SCYGR2: variants seen among roughly 807,000 people sequenced by gnomAD.
SCYGR2 encodes the protein small cysteine and glycine repeat-containing protein 2.
exon 1 of SCYGR2, chr2:227,598,971 T>G: frequency 4.2e-6 from 1 of 239,684 alleles, no homozygotes. Context: ...TGGTGGTGGC[T>G]GTGGTGGTGG....
At position 227,598,928 on chromosome 2, in the gene SCYGR2, C is replaced by T. The variant is rs199736905; in HGVS notation, c.36C>T (p.Cys12=). 209 of 414,386 alleles carry T rather than the reference C, an allele frequency of 5.0e-4. 1 individual carries two copies. Among genetic ancestry groups the T allele is most frequent in the East Asian group, 2.5e-3 (72 of 28,360 alleles). The allele number at this position is 414,386 out of a possible 1,614,324, so 25.7% of individuals were successfully genotyped here. A position where few individuals can be genotyped will look rare whatever the true frequency, so the allele number is the denominator to read the frequency against. Residue 12 remains cysteine (C), a synonymous_variant, in exon 1 of 1, where the codon TGC becomes TGT. Coordinates refer to ENST00000641394, the Ensembl canonical transcript of SCYGR2. ...GTGGTTGTGGAGGTTGTGGTGGCTG[C>T]GGTGGCCGCTGTGGTGGCTGCGGTG...
At chr2:227,599,124 G>T in exon 1 of SCYGR2, 1 of 402,132 alleles carries the variant, frequency 2.5e-6, no homozygotes, top group Non-Finnish European at 4.4e-6. Flanking sequence ...CTGCTGCCGT[G>T]GCTGCTGTGG....
exon 1 of SCYGR2, chr2:227,599,249 C>T (rs1458373665): frequency 7.5e-6 from 3 of 399,876 alleles, no homozygotes; most frequent in Non-Finnish European, 1.3e-5. Context: ...AGCAATGCTG[C>T]TGCTAGGTGG....
exon 1 of SCYGR2, chr2:227,599,001 G>T: frequency 2.4e-6 from 1 of 416,780 alleles, no homozygotes; most frequent in South Asian, 8.7e-5. Flanking sequence ...TGGCTGTGGT[G>T]GTGGCTGTGG....
chr2:227,599,204 G>A, exon 1 of SCYGR2: 1 of 399,288 alleles, frequency 2.5e-6, no homozygotes, highest in South Asian at 1.2e-4. Context: ...GTGGCTGTGG[G>A]AAGGGCTGTT....
At chr2:227,599,118 T>C in exon 1 of SCYGR2, 1 of 402,408 alleles carries the variant, frequency 2.5e-6, no homozygotes. Context: ...CTGCCCCTGC[T>C]GCCGTGGCTG....
At chr2:227,599,009 TGGTGGTGGCTGC>T (rs1335122955) in exon 1 of SCYGR2, 26 of 382,534 alleles carry the variant, frequency 6.8e-5, no homozygotes, top group East Asian at 1.5e-4. Context: ...GTGGTGGCTG[TGGTGGTGGCTGC>T]GGTGGTGGCT....
At chr2:227,598,940 T>C (rs1459008117) in exon 1 of SCYGR2, 2 of 261,714 alleles carry the variant, frequency 7.6e-6, no homozygotes, top group Non-Finnish European at 1.3e-5. Context: ...GTGGCCGCTG[T>C]GGTGGCTGCG....
exon 1 of SCYGR2, chr2:227,599,009 T>G: frequency 2.6e-6 from 1 of 381,610 alleles, no homozygotes; most frequent in South Asian, 9.5e-5. Flanking sequence ...GTGGTGGCTG[T>G]GGTGGTGGCT....
At chr2:227,599,136 G>C (rs1042399125) in exon 1 of SCYGR2, 3 of 401,420 alleles carry the variant, frequency 7.5e-6, no homozygotes, top group Non-Finnish European at 1.3e-5. Context: ...CTGCTGTGGA[G>C]GCTGCTGCAG....
At chr2:227,598,950 G>A (rs1025127764) in exon 1 of SCYGR2, 12 of 293,828 alleles carry the variant, frequency 4.1e-5, no homozygotes, top group East Asian at 6.6e-5. Flanking sequence ...TGGTGGCTGC[G>A]GTGGTGGCTG....
chr2:227,599,172 C>T lies in SCYGR2; in HGVS notation c.280C>T (p.Arg94Cys), dbSNP rs1007747121. ...CACTCCCGTGATCTGTTGCTGCCGCCGCACCTGCCACTCATGTGGCTGTGG... is the reference window on the plus strand; with the variant it reads ...CACTCCCGTGATCTGTTGCTGCCGCTGCACCTGCCACTCATGTGGCTGTGG... The change falls in exon 1 of 1, where the codon CGC becomes TGC. Residue 94 changes from arginine to cysteine, a missense_variant. By Grantham distance (180) the Arg-to-Cys change is radical. Coordinates refer to ENST00000641394, the Ensembl canonical transcript of SCYGR2. 12 of 399,202 alleles carry T rather than the reference C, an allele frequency of 3.0e-5. No homozygotes were observed. In the South Asian group the frequency reaches 3.8e-4, roughly 13 times the overall value. The allele number at this position is 399,202 out of a possible 1,614,324, so 24.7% of individuals were successfully genotyped here.
At chr2:227,598,959 TGTGGTGGTGGCTGTG>T (rs1693636300) in exon 1 of SCYGR2, 4 of 297,058 alleles carry the variant, frequency 1.3e-5, no homozygotes, top group South Asian at 1.2e-4. Flanking sequence ...CGGTGGTGGC[TGTGGTGGTGGCTGTG>T]GTGGTGGCTG....
chr2:227,599,186 A>C (rs369962209), exon 1 of SCYGR2: 1 of 399,550 alleles, frequency 2.5e-6, no homozygotes, highest in Non-Finnish European at 4.4e-6. Flanking sequence ...CCTGCCACTC[A>C]TGTGGCTGTG....
At chr2:227,598,896 G>C in exon 1 of SCYGR2, 1 of 415,004 alleles carries the variant, frequency 2.4e-6, no homozygotes, top group Non-Finnish European at 4.2e-6. Context: ...TGACACCATG[G>C]GTTGCTGTGG....
chr2:227,599,219 G>A (rs1250187280), exon 1 of SCYGR2: 10 of 399,672 alleles, frequency 2.5e-5, no homozygotes, highest in Non-Finnish European at 4.0e-5. Context: ...GCTGTTGCCA[G>A]CAGAAATGCT....
exon 1 of SCYGR2, chr2:227,598,986 G>A (rs1020521660): frequency 4.9e-5 from 18 of 366,870 alleles, no homozygotes; most frequent in Middle Eastern, 1.3e-3. Context: ...TGGTGGCTGC[G>A]GTGGTGGCTG....
At position 227,599,186 on chromosome 2, in the gene SCYGR2, A is replaced by ATGTGGC. The variant is rs749262796; in HGVS notation, c.306_311dup (p.Cys103_Gly104dup). The ATGTGGC allele has an allele frequency of 9.0e-3, 3,612 of 399,554 alleles. 38 individuals carry two copies. The highest frequency in any genetic ancestry group is 0.03 in the Middle Eastern group (47 of 1,590). 24.8% of individuals were successfully genotyped at this position (399,554 alleles called of 1,614,324 possible). A position where few individuals can be genotyped will look rare whatever the true frequency, so the allele number is the denominator to read the frequency against. On this transcript the variant is annotated inframe_insertion, in exon 1 of 1. Coordinates refer to ENST00000641394, the Ensembl canonical transcript of SCYGR2. ...GTTGCTGCCGCCGCACCTGCCACTC[A>ATGTGGC]TGTGGCTGTGGCTGTGGGAAGGGCT...
chr2:227,598,985 CGGTGGTGGCTGT>C (rs758448750), exon 1 of SCYGR2: 384 of 363,862 alleles, frequency 1.1e-3, no homozygotes, highest in African/African-American at 1.8e-3. Context: ...GTGGTGGCTG[CGGTGGTGGCTGT>C]GGTGGTGGCT....
Sources: gnomAD v4.1 joint callset for allele counts on GRCh38, gnomAD v4.1.1 for gene constraint, MANE v1.5 for transcripts, NCBI Gene and HGNC (gene_info 2026-07-23, HGNC 2026-07-21) for gene names.